The following NYAP2 variants were observed in gnomAD, a reference collection of about 807,000 sequenced individuals.
NYAP2 encodes neuronal tyrosine-phosphorylated phosphoinositide-3-kinase adaptor 2.
NYAP2 carries 23 observed loss-of-function variants against 50.4 expected under a neutral mutation model. The observed-to-expected ratio is 0.46, with a 90% CI of 0.33 to 0.65. The LOEUF (loss-of-function observed/expected upper bound fraction) is 0.65, where lower values mean the gene tolerates loss of function less well. Ranked by LOEUF, NYAP2 falls within the 30% of genes least tolerant of loss-of-function variation. The pLI is 0.02. For missense variants in NYAP2, 885 were observed against 861.0 expected, an observed-to-expected ratio of 1.03 and a Z score of -0.35; for synonymous variants, 394 against 365.2, an observed-to-expected ratio of 1.08 and a Z score of -0.90.
chr2:225,623,249 G>T (rs989937968), intron 5 of NYAP2, among the ~76,000 whole-genome samples: 3 of 152,354 alleles, frequency 2.0e-5, no homozygotes, highest in Non-Finnish European at 4.4e-5. Context: ...AGAGGAGTAG[G>T]AAGGCTTTAT....
intron 5 of NYAP2, among the ~76,000 whole-genome samples, chr2:225,590,737 T>G (rs1205059737): frequency 6.6e-6 from 1 of 152,228 alleles, no homozygotes; most frequent in Non-Finnish European, 1.5e-5. Flanking sequence ...TTGACTAAGT[T>G]ACTGATTAGT....
intron 2 of NYAP2, among the ~76,000 whole-genome samples, chr2:225,408,198 C>T (rs898662162): frequency 5.9e-5 from 9 of 151,916 alleles, no homozygotes; most frequent in Admixed American, 2.0e-4. Context: ...GCTTGAATTA[C>T]CAGACTGGTC....
At chr2:225,425,847 A>G (rs377220230) in intron 3 of NYAP2, among the ~76,000 whole-genome samples, 2 of 152,296 alleles carry the variant, frequency 1.3e-5, no homozygotes, top group East Asian at 1.9e-4. Context: ...ATGAAACTGT[A>G]CTAATTGGAC....
chr2:225,612,658 T>G (rs115243569), intron 5 of NYAP2, among the ~76,000 whole-genome samples: 197 of 152,242 alleles, frequency 1.3e-3, no homozygotes, highest in African/African-American at 4.6e-3. Context: ...ATGGCCACCT[T>G]CTTGCTGTAT....
chr2:225,504,973 G>A (rs1172193173), intron 3 of NYAP2, among the ~76,000 whole-genome samples: 2 of 150,490 alleles, frequency 1.3e-5, no homozygotes, highest in African/African-American at 2.5e-5. Flanking sequence ...GCACCACTGC[G>A]CTCCAGCCTG....
chr2:225,558,767 G>A (rs1353257911), intron 4 of NYAP2, among the ~76,000 whole-genome samples: 2 of 152,088 alleles, frequency 1.3e-5, no homozygotes, highest in Non-Finnish European at 2.9e-5. Context: ...TTAAATTTAT[G>A]GTTGCAGCTT....
chr2:225,625,401 C>T (rs1693192206), intron 5 of NYAP2, among the ~76,000 whole-genome samples: 1 of 152,084 alleles, frequency 6.6e-6, no homozygotes, highest in Non-Finnish European at 1.5e-5. Context: ...TCAATACCTG[C>T]CTTAAAATAA....
chr2:225,414,595 A>G (rs1051358860), intron 3 of NYAP2, among the ~76,000 whole-genome samples: 4 of 152,114 alleles, frequency 2.6e-5, no homozygotes, highest in Admixed American at 6.6e-5. Context: ...GAACCAGCCA[A>G]TGAGAAGAAG....
chr2:225,667,481 G>C, the NYAP2 span, among the ~76,000 whole-genome samples: 1 of 152,102 alleles, frequency 6.6e-6, no homozygotes, highest in Non-Finnish European at 1.5e-5. Flanking sequence ...GGGATGAAGA[G>C]CATGTGGTAA....
the NYAP2 span, among the ~76,000 whole-genome samples, chr2:225,686,395 C>A: frequency 6.6e-6 from 1 of 152,066 alleles, no homozygotes; most frequent in South Asian, 2.1e-4. Context: ...CCATTCCTGG[C>A]CTTTTTCACG....
intron 4 of NYAP2, among the ~76,000 whole-genome samples, chr2:225,533,688 CA>C (rs557756613): frequency 6.9e-4 from 93 of 134,140 alleles, no homozygotes; most frequent in Admixed American, 2.1e-3. Flanking sequence ...GACTCTGTCT[CA>C]AAAAAAAAAA....
At chr2:225,418,866 A>G (rs1033419743) in intron 3 of NYAP2, among the ~76,000 whole-genome samples, 2 of 152,196 alleles carry the variant, frequency 1.3e-5, no homozygotes, top group African/African-American at 4.8e-5. Flanking sequence ...AAGTTTCAGG[A>G]AAGTTTTTGT....
chr2:225,551,436 C>A (rs1691673075), intron 4 of NYAP2, among the ~76,000 whole-genome samples: 1 of 152,204 alleles, frequency 6.6e-6, no homozygotes, highest in Admixed American at 6.5e-5. Context: ...AATCAAACTT[C>A]CAGTTGAATG....
intron 4 of NYAP2, among the ~76,000 whole-genome samples, chr2:225,530,639 C>T (rs1691238538): frequency 6.6e-6 from 1 of 152,172 alleles, no homozygotes; most frequent in Non-Finnish European, 1.5e-5. Flanking sequence ...CTCCTGTCTT[C>T]TCACTCTAAT....
chr2:225,600,213 G>T (rs1164901812), intron 5 of NYAP2, among the ~76,000 whole-genome samples: 1 of 152,120 alleles, frequency 6.6e-6, no homozygotes, highest in Non-Finnish European at 1.5e-5. Flanking sequence ...AAATTGTCTT[G>T]TGCTGAGTAA....
intron 5 of NYAP2, among the ~76,000 whole-genome samples, chr2:225,625,457 G>A (rs1472058024): frequency 6.6e-6 from 1 of 152,174 alleles, no homozygotes; most frequent in East Asian, 1.9e-4. Context: ...TATAAAGCAA[G>A]GTCAGTGCAG....
intron 4 of NYAP2, among the ~76,000 whole-genome samples, chr2:225,561,350 G>A (rs1290359838): frequency 6.6e-6 from 1 of 151,994 alleles, no homozygotes; most frequent in African/African-American, 2.4e-5. Flanking sequence ...CAGCATGCTT[G>A]GCAGTTAGGA....
intron 5 of NYAP2, among the ~76,000 whole-genome samples, chr2:225,587,065 T>C (rs889697258): frequency 1.6e-4 from 25 of 152,104 alleles, no homozygotes; most frequent in African/African-American, 5.8e-4. Context: ...AACAATTAGA[T>C]CTTGTGAGAA....
In NYAP2 at chr2:225,505,008, GA is replaced by G. The variant is rs11372243; in HGVS notation, c.222-8350del. Among the ~76,000 whole-genome samples the G allele has an allele frequency of 2.0e-3, 282 of 142,896 alleles. 1 individual carries two copies. Among genetic ancestry groups the G allele is most frequent in the Middle Eastern group, 7.0e-3 (2 of 284 alleles). 93.7% of individuals were successfully genotyped at this position (142,896 alleles called of 152,430 possible). Reference sequence around the variant, plus strand: ...GGGTGACGGAGCAAGACTGCGTCTCGAAAAAAAAAAAAATCATCATCATCAT... The same window carrying G: ...GGGTGACGGAGCAAGACTGCGTCTCGAAAAAAAAAAAATCATCATCATCAT... On this transcript the variant is annotated intron_variant, in intron 3 of 6. Transcript: ENST00000636099.
Sources: allele counts gnomAD v4.1 joint callset (sites outside exome capture counted in the v4.1 genomes callset), GRCh38; gene constraint gnomAD v4.1.1; transcripts MANE v1.5; gene names NCBI Gene and HGNC (gene_info 2026-07-23, HGNC 2026-07-21).